Variants in ARHGAP39 observed in about 807,000 individuals in gnomAD.
ARHGAP39 encodes rho GTPase-activating protein 39.
A neutral mutation model predicts 106.9 loss-of-function variants in ARHGAP39; 44 were observed. The ratio of observed to expected loss-of-function variants is 0.41; its 90% confidence interval spans 0.32 to 0.53. The LOEUF is 0.53. Ranked by LOEUF, ARHGAP39 falls within the 20% of genes least tolerant of loss-of-function variation. ARHGAP39 has a pLI of 0.21. For synonymous variants in ARHGAP39, 768 were observed against 693.2 expected (o/e 1.11, Z -1.69); for missense variants, 1,496 against 1,577.3 (o/e 0.95, Z 0.87).
chr8:144,662,136 C>T (rs1012088208), intron 1 of ARHGAP39, among the ~76,000 whole-genome samples: 1 of 151,522 alleles, frequency 6.6e-6, no homozygotes, highest in East Asian at 1.9e-4. Flanking sequence ...CTCACCTTCC[C>T]CATTTTCCAC....
rs1817582203 is a variant in ARHGAP39 at position 144,548,714 on chromosome 8, G to A, written c.597-225C>T. Among the ~76,000 whole-genome samples the A allele has an allele frequency of 6.6e-6, 1 of 152,196 alleles. No individual in the cohort carries two copies. Among genetic ancestry groups the A allele is most frequent in the African/African-American group, 2.4e-5 (1 of 41,452 alleles). On this transcript the variant is annotated intron_variant, in intron 4 of 11. Coordinates refer to ENST00000377307, the MANE Select transcript of ARHGAP39 (RefSeq NM_025251.3). The surrounding 1 kb of genome is among the most constrained non-coding windows in gnomAD (Gnocchi z 7.4). Reference sequence around the variant, plus strand: ...GCCGCCCACGACCAGGTGTCTGTCTGCTCTGATCCCAGCTCCTGACCGGGC... The same window carrying A: ...GCCGCCCACGACCAGGTGTCTGTCTACTCTGATCCCAGCTCCTGACCGGGC...
At chr8:144,582,098 G>A (rs986515158) in intron 2 of ARHGAP39, among the ~76,000 whole-genome samples, 6 of 152,176 alleles carry the variant, frequency 3.9e-5, no homozygotes, top group African/African-American at 7.2e-5. Context: ...GAGGGGTCTC[G>A]TTTCCAGGGA....
At chr8:144,696,290 G>A in the ARHGAP39 span, among the ~76,000 whole-genome samples, 1 of 150,362 alleles carries the variant, frequency 6.7e-6, no homozygotes, top group South Asian at 2.1e-4. Context: ...AAGTACGTAC[G>A]ACCACACTTG....
At chr8:144,610,438 G>C (rs899236810) in intron 1 of ARHGAP39, among the ~76,000 whole-genome samples, 1 of 152,162 alleles carries the variant, frequency 6.6e-6, no homozygotes, top group Non-Finnish European at 1.5e-5. Flanking sequence ...AGGGCCGGGC[G>C]TGGTGGCCCA....
chr8:144,676,036 C>T (rs550445143), intron 1 of ARHGAP39, among the ~76,000 whole-genome samples: 44 of 152,288 alleles, frequency 2.9e-4, no homozygotes, highest in African/African-American at 8.7e-4. Flanking sequence ...CAGACCTTCT[C>T]GGTGAGTGTC....
At chr8:144,593,437 G>A (rs1303941528) in intron 2 of ARHGAP39, among the ~76,000 whole-genome samples, 1 of 152,118 alleles carries the variant, frequency 6.6e-6, no homozygotes, top group Non-Finnish European at 1.5e-5. Context: ...ATCCAAAGTA[G>A]ACGAAAGGTC....
intron 6 of ARHGAP39, among the ~76,000 whole-genome samples, chr8:144,540,764 C>T (rs988017391): frequency 6.6e-6 from 1 of 152,088 alleles, no homozygotes; most frequent in Non-Finnish European, 1.5e-5. Flanking sequence ...GTCACCACTG[C>T]ACTTCCCTGG....
intron 2 of ARHGAP39, among the ~76,000 whole-genome samples, chr8:144,593,581 T>G (rs1020436562): frequency 1.3e-5 from 2 of 152,036 alleles, no homozygotes; most frequent in African/African-American, 4.8e-5. Flanking sequence ...AAAACAGACT[T>G]CATCAAAATT....
chr8:144,592,503 A>C (rs1330398370), intron 2 of ARHGAP39, among the ~76,000 whole-genome samples: 2 of 108,532 alleles, frequency 1.8e-5, no homozygotes, highest in African/African-American at 4.1e-5. Flanking sequence ...CCCAGACCCT[A>C]GGAAACCTGA....
intron 3 of ARHGAP39, among the ~76,000 whole-genome samples, chr8:144,561,880 ACACTCCAGTGGTTTCCATCG>A (rs1564848879): frequency 8.2e-6 from 1 of 122,014 alleles, no homozygotes; most frequent in Non-Finnish European, 1.7e-5. Flanking sequence ...GGTTTCCATC[ACACTCCAGTGGTTTCCATCG>A]CACTCCAGTG....
chr8:144,540,618 T>C (rs1215634251), intron 6 of ARHGAP39, among the ~76,000 whole-genome samples: 1 of 152,090 alleles, frequency 6.6e-6, no homozygotes, highest in Non-Finnish European at 1.5e-5. Context: ...CTGGCCAACA[T>C]GGTGAAACCC....
chr8:144,533,449 C>G, intron 8 of ARHGAP39, 124 bp from the exon 9 acceptor site: 1 of 983,682 alleles, frequency 1.0e-6, no homozygotes, highest in East Asian at 2.6e-5. Context: ...CCCCACACAC[C>G]TGGGTCCGAG....
the ARHGAP39 span, among the ~76,000 whole-genome samples, chr8:144,693,138 C>T: frequency 6.8e-6 from 1 of 146,800 alleles, no homozygotes; most frequent in African/African-American, 2.5e-5. Context: ...TGTCTCGGCT[C>T]ACTGCAACCT....
intron 8 of ARHGAP39, 95 bp from the exon 9 acceptor site, chr8:144,533,420 G>T (rs1458844564): frequency 7.1e-6 from 9 of 1,267,454 alleles, no homozygotes; most frequent in Non-Finnish European, 8.8e-6. Flanking sequence ...TAGGTGGGTG[G>T]CGCTCTTCAG....
In ARHGAP39 at chr8:144,646,671, G is replaced by A. The variant is rs1471639431; in HGVS notation, c.-82+39015C>T. The stretch of plus-strand genomic sequence containing the variant: ...GAAGTTCCTTCTCAGAAACCTACCT[G>A]AAAGCCTTGATTCTCAGAAAACAAC... On this transcript the variant is annotated intron_variant, in intron 1 of 11. Coordinates refer to ENST00000377307, the MANE Select transcript of ARHGAP39 (RefSeq NM_025251.3). The surrounding 1 kb of genome is among the most constrained non-coding windows in gnomAD (Gnocchi z 5.7). Among the ~76,000 whole-genome samples, 2 of 152,178 alleles carry A rather than the reference G, an allele frequency of 1.3e-5. No individual in the cohort carries two copies. Among genetic ancestry groups the A allele is most frequent in the Non-Finnish European group, 2.9e-5 (2 of 68,044 alleles).
intron 1 of ARHGAP39, among the ~76,000 whole-genome samples, chr8:144,658,064 A>G (rs1252987389): frequency 6.6e-6 from 1 of 152,216 alleles, no homozygotes; most frequent in African/African-American, 2.4e-5. Context: ...TTTAAAGTAC[A>G]CAGGATGATA....
intron 4 of ARHGAP39, among the ~76,000 whole-genome samples, chr8:144,549,095 T>C (rs1256264656): frequency 6.6e-6 from 1 of 152,262 alleles, no homozygotes; most frequent in Non-Finnish European, 1.5e-5. Flanking sequence ...TCACGCTGTC[T>C]GCGTCCTCAC....
chr8:144,626,742 C>G (rs1333219824), intron 1 of ARHGAP39, among the ~76,000 whole-genome samples: 1 of 152,256 alleles, frequency 6.6e-6, no homozygotes, highest in Non-Finnish European at 1.5e-5. Context: ...AAGGTCTGCC[C>G]TCCTACCGGG....
At chr8:144,651,622 A>G (rs1821576264) in intron 1 of ARHGAP39, among the ~76,000 whole-genome samples, 1 of 152,038 alleles carries the variant, frequency 6.6e-6, no homozygotes. Context: ...CAGGAGAATC[A>G]CTTGAACCTA....
Sources: gnomAD v4.1 joint callset for allele counts (sites outside exome capture counted in the v4.1 genomes callset) on GRCh38, gnomAD v4.1.1 for gene constraint, Gnocchi (gnomAD v3.1) non-coding constraint, MANE v1.5 for transcripts, NCBI Gene and HGNC (gene_info 2026-07-23, HGNC 2026-07-21) for gene names.